The following HIPK2 variants were observed in gnomAD, a reference collection of about 807,000 sequenced individuals.
HIPK2 encodes homeodomain interacting protein kinase 2, also known as homeodomain-interacting protein kinase 2.
HIPK2 carries 27 observed loss-of-function variants against 113.7 expected under a neutral mutation model. That is an observed-to-expected ratio of 0.24 (90% confidence interval 0.17 to 0.33). The LOEUF (loss-of-function observed/expected upper bound fraction) is 0.33, where lower values mean the gene tolerates loss of function less well. Ranked by LOEUF, HIPK2 falls within the 10% of genes least tolerant of loss-of-function variation. The probability of loss-of-function intolerance (pLI) is 1.00; values close to 1 mark genes in which losing one functional copy is unlikely to be tolerated. For synonymous variants in HIPK2, 631 were observed against 642.2 expected, an observed-to-expected ratio of 0.98 and a Z score of 0.26; for missense variants, 1,257 against 1,588.0, an observed-to-expected ratio of 0.79 and a Z score of 3.54.
At chr7:139,718,344 G>C (rs527453392) in intron 1 of HIPK2, among the ~76,000 whole-genome samples, 1 of 152,232 alleles carries the variant, frequency 6.6e-6, no homozygotes, top group East Asian at 1.9e-4. Flanking sequence ...CTGTCTCTCT[G>C]AGCCCCTGGC....
chr7:139,769,950 G>A (rs2117171819), intron 1 of HIPK2, among the ~76,000 whole-genome samples: 1 of 152,294 alleles, frequency 6.6e-6, no homozygotes, highest in South Asian at 2.1e-4. Context: ...CACTGTGCTG[G>A]AGCTGCAGAG....
chr7:139,714,079 G>A lies in HIPK2; in HGVS notation c.1103+1853C>T, dbSNP rs1426039347. 1.3e-5 allele frequency among the ~76,000 whole-genome samples: 2 copies of A among 152,216 alleles called. No homozygotes were observed. The highest frequency in any genetic ancestry group is 2.9e-5 in the Non-Finnish European group (2 of 68,040). On this transcript the variant is annotated intron_variant, in intron 2 of 14. Coordinates refer to ENST00000406875, the MANE Select transcript of HIPK2 (RefSeq NM_022740.5). The surrounding 1 kb of genome is among the most constrained non-coding windows in gnomAD (Gnocchi z 4.2). ...GAGTGGATGGCCTGGTCAGGACGAGGGAGTGGAGAGCAAGTGGAGGGGCAG... is the reference window on the plus strand; with the variant it reads ...GAGTGGATGGCCTGGTCAGGACGAGAGAGTGGAGAGCAAGTGGAGGGGCAG...
intron 2 of HIPK2, among the ~76,000 whole-genome samples, chr7:139,670,323 C>T (rs1007102646): frequency 2.0e-5 from 3 of 152,052 alleles, no homozygotes; most frequent in African/African-American, 4.8e-5. Flanking sequence ...GTGGCTCACA[C>T]CTGTGACCCC....
chr7:139,675,710 G>A (rs887775057), intron 2 of HIPK2, among the ~76,000 whole-genome samples: 2 of 152,210 alleles, frequency 1.3e-5, no homozygotes, highest in Non-Finnish European at 2.9e-5. Context: ...GCATGTGACC[G>A]ATTGGGTGGG....
At chr7:139,628,910 G>C in intron 5 of HIPK2, 43 bp downstream of exon 5, 3 of 1,506,968 alleles carry the variant, frequency 2.0e-6, no homozygotes, top group Non-Finnish European at 2.7e-6. Context: ...TGCTGCCCTT[G>C]GTTTTAAAGG....
In HIPK2 at chr7:139,563,899, CAA is replaced by C; in HGVS notation, c.*9026_*9027del. ...GGTCCTCTGCAGTTTGGTGGTGGCA[CAA>C]GAGAAAACATAAAAGAAACCAAGAC... On this transcript the variant is annotated 3_prime_UTR_variant, in exon 15 of 15. Coordinates refer to ENST00000406875, the MANE Select transcript of HIPK2 (RefSeq NM_022740.5). The C allele has an allele frequency of 2.5e-6, 1 of 398,612 alleles. No homozygotes were observed. The highest frequency in any genetic ancestry group is 4.4e-6 in the Non-Finnish European group (1 of 226,082). 24.7% of individuals were successfully genotyped at this position (398,612 alleles called of 1,614,324 possible). A position where few individuals can be genotyped will look rare whatever the true frequency, so the allele number is the denominator to read the frequency against.
chr7:139,604,888 T>C (rs1799568442), intron 9 of HIPK2, among the ~76,000 whole-genome samples: 1 of 152,108 alleles, frequency 6.6e-6, no homozygotes, highest in Non-Finnish European at 1.5e-5. Context: ...GGGATTAGGG[T>C]AGTTGAGTTG....
At chr7:139,695,961 G>C (rs1366463628) in intron 2 of HIPK2, among the ~76,000 whole-genome samples, 1 of 152,146 alleles carries the variant, frequency 6.6e-6, no homozygotes, top group African/African-American at 2.4e-5. Context: ...CCTGAATTAA[G>C]GGGGGAAGAA....
At chr7:139,733,300 T>G (rs1432623127) in intron 1 of HIPK2, among the ~76,000 whole-genome samples, 2 of 152,186 alleles carry the variant, frequency 1.3e-5, no homozygotes, top group African/African-American at 2.4e-5. Context: ...TAAACAAGCG[T>G]TTAGTGAAAA....
rs768799394 is a variant in HIPK2, at chr7:139,573,406, G to A, written c.3127-9C>T. 2 of 1,601,210 alleles carry A rather than the reference G, an allele frequency of 1.2e-6. No individual in the cohort carries two copies. The highest frequency in any genetic ancestry group is 1.7e-6 in the Non-Finnish European group (2 of 1,179,622). On this transcript the variant is annotated splice_polypyrimidine_tract_variant and intron_variant, in intron 14 of 14. Transcript: ENST00000406875. ...GTGATGTGCTGCTGAGCCTGGGGAG[G>A]AGAGGCACCAAGAGAGACGTCAGGG... is the stretch of plus-strand genomic sequence containing the variant.
intron 2 of HIPK2, among the ~76,000 whole-genome samples, chr7:139,694,492 C>T (rs1045891338): frequency 3.9e-5 from 6 of 152,186 alleles, no homozygotes; most frequent in African/African-American, 1.4e-4. Context: ...AGGGGTCATT[C>T]CTGCCCCAGC....
At chr7:139,656,214 T>C (rs1801664682) in intron 2 of HIPK2, among the ~76,000 whole-genome samples, 1 of 152,094 alleles carries the variant, frequency 6.6e-6, no homozygotes, top group Non-Finnish European at 1.5e-5. Context: ...AATCTCTCCC[T>C]GGGTTCTAGT....
chr7:139,776,396 T>G (rs1446740165), intron 1 of HIPK2, among the ~76,000 whole-genome samples: 2 of 151,542 alleles, frequency 1.3e-5, no homozygotes, highest in South Asian at 4.2e-4. Context: ...GCCCTGAAAC[T>G]AATAACAGAT....
At chr7:139,584,910 A>C (rs1222247585) in intron 12 of HIPK2, among the ~76,000 whole-genome samples, 1 of 152,206 alleles carries the variant, frequency 6.6e-6, no homozygotes, top group East Asian at 1.9e-4. Context: ...ATAGGGAGGC[A>C]CTGGCTTTGG....
At chr7:139,599,299 G>T (rs1295064614) in intron 11 of HIPK2, among the ~76,000 whole-genome samples, 1 of 152,124 alleles carries the variant, frequency 6.6e-6, no homozygotes, top group Non-Finnish European at 1.5e-5. Flanking sequence ...TTCTCCCTTT[G>T]AAGTGTTTGA....
At chr7:139,686,344 T>C (rs1794217394) in intron 2 of HIPK2, among the ~76,000 whole-genome samples, 1 of 152,238 alleles carries the variant, frequency 6.6e-6, no homozygotes, top group African/African-American at 2.4e-5. Context: ...ATGGAATCTA[T>C]TTCTGGTGAA....
At chr7:139,643,638 A>G (rs1442934001) in intron 2 of HIPK2, among the ~76,000 whole-genome samples, 1 of 152,228 alleles carries the variant, frequency 6.6e-6, no homozygotes, top group Non-Finnish European at 1.5e-5. Context: ...CATGTAGAAT[A>G]AAGTGAAGAA....
At chr7:139,712,157 C>T (rs1292342980) in intron 2 of HIPK2, among the ~76,000 whole-genome samples, 1 of 152,264 alleles carries the variant, frequency 6.6e-6, no homozygotes, top group Non-Finnish European at 1.5e-5. Flanking sequence ...ACCCCTGCTT[C>T]AGACTCGAGA....
intron 1 of HIPK2, among the ~76,000 whole-genome samples, chr7:139,768,865 G>A (rs1313540258): frequency 6.6e-6 from 1 of 152,210 alleles, no homozygotes; most frequent in African/African-American, 2.4e-5. Context: ...ACTGCTACAG[G>A]GGAAGGGAGA....
Sources: allele counts gnomAD v4.1 joint callset (sites outside exome capture counted in the v4.1 genomes callset), GRCh38; gene constraint gnomAD v4.1.1; non-coding constraint Gnocchi (gnomAD v3.1); transcripts MANE v1.5; gene names NCBI Gene and HGNC (gene_info 2026-07-23, HGNC 2026-07-21).